The following MEOX2 variants were observed in gnomAD, a reference collection of about 807,000 sequenced individuals.
The protein encoded by MEOX2 is homeobox protein MOX-2.
A neutral mutation model predicts 27.0 loss-of-function variants in MEOX2; 11 were observed. The observed-to-expected ratio is 0.41, with a 90% confidence interval of 0.26 to 0.68. The LOEUF (loss-of-function observed/expected upper bound fraction) is 0.68, where lower values mean the gene tolerates loss of function less well. MEOX2 is among the 30% of genes least tolerant of loss of function. MEOX2 has a pLI of 0.33. For missense variants in MEOX2, 436 were observed against 385.4 expected (o/e 1.13, Z -1.10); for synonymous variants, 189 against 155.4 (o/e 1.22, Z -1.61).
chr7:15,653,409 G>C (rs1321528033), intron 1 of MEOX2, among the ~76,000 whole-genome samples: 1 of 151,878 alleles, frequency 6.6e-6, no homozygotes, highest in Non-Finnish European at 1.5e-5. Context: ...TTGGTAACAT[G>C]TTCCCCCATT....
chr7:15,672,854 C>T (rs2237497), intron 1 of MEOX2, among the ~76,000 whole-genome samples: 29,140 of 150,268 alleles, frequency 0.19, 3,341 homozygotes, highest in East Asian at 0.33. Flanking sequence ...ATCGTGCCAC[C>T]GCACTCCAGC....
At chr7:15,672,800 G>A (rs1050524263) in intron 1 of MEOX2, among the ~76,000 whole-genome samples, 1 of 151,958 alleles carries the variant, frequency 6.6e-6, no homozygotes, top group Non-Finnish European at 1.5e-5. Context: ...GCTGAGGCAG[G>A]AGAATTGCTT....
intron 1 of MEOX2, among the ~76,000 whole-genome samples, chr7:15,671,139 A>G (rs1461282560): frequency 1.3e-5 from 2 of 152,210 alleles, no homozygotes; most frequent in Non-Finnish European, 2.9e-5. Flanking sequence ...AAATTTTTAA[A>G]TGCCAGCTCC....
chr7:15,642,524 G>A (rs1781578871), intron 1 of MEOX2, among the ~76,000 whole-genome samples: 1 of 151,866 alleles, frequency 6.6e-6, no homozygotes, highest in South Asian at 2.1e-4. Context: ...TTGATTTTCT[G>A]GTTTCTTTGT....
chr7:15,613,858 A>G (rs767092744), intron 2 of MEOX2, among the ~76,000 whole-genome samples: 15 of 151,762 alleles, frequency 9.9e-5, no homozygotes, highest in Middle Eastern at 3.4e-3. Context: ...TTTTTTTTCT[A>G]TATGTAATGC....
intron 1 of MEOX2, among the ~76,000 whole-genome samples, chr7:15,654,480 T>C (rs1227596658): frequency 2.6e-5 from 4 of 151,838 alleles, no homozygotes; most frequent in Admixed American, 2.6e-4. Flanking sequence ...AGGACATTCC[T>C]GATCTTAAGG....
At chr7:15,670,823 T>TAGACTACGGG (rs1489728010) in intron 1 of MEOX2, among the ~76,000 whole-genome samples, 2 of 152,200 alleles carry the variant, frequency 1.3e-5, no homozygotes, top group East Asian at 3.8e-4. Context: ...AGATCATATT[T>TAGACTACGGG]AGACTACGGG....
intron 1 of MEOX2, among the ~76,000 whole-genome samples, chr7:15,644,232 C>A (rs1051425638): frequency 1.3e-5 from 2 of 152,048 alleles, no homozygotes; most frequent in Middle Eastern, 6.3e-3. Context: ...TCTGGGCCTA[C>A]CTAGGTTCAA....
chr7:15,625,250 TA>T (rs906098825), intron 2 of MEOX2, among the ~76,000 whole-genome samples: 174 of 152,102 alleles, frequency 1.1e-3, no homozygotes, highest in Admixed American at 4.5e-3. Context: ...GTTCCCTGTT[TA>T]AAAAAAATAA....
chr7:15,611,918 T>C lies in MEOX2; in HGVS notation c.*469A>G, dbSNP rs1781038538. On this transcript the variant is annotated 3_prime_UTR_variant, in exon 3 of 3. Coordinates refer to ENST00000262041, the MANE Select transcript of MEOX2 (RefSeq NM_005924.5). ...TGGCTGTTCAGGATAAAATGTTTCA[T>C]GGTTTATTCTTGATAGCAATTTAAT... 1 of 163,178 alleles carries C rather than the reference T, an allele frequency of 6.1e-6. No individual in the cohort carries two copies. Among genetic ancestry groups the C allele is most frequent in the African/African-American group, 2.4e-5 (1 of 41,640 alleles). 10.1% of individuals were successfully genotyped at this position (163,178 alleles called of 1,614,324 possible). A position where few individuals can be genotyped will look rare whatever the true frequency, so the allele number is the denominator to read the frequency against.
At chr7:15,624,083 T>G (rs551718379) in intron 2 of MEOX2, among the ~76,000 whole-genome samples, 2 of 152,368 alleles carry the variant, frequency 1.3e-5, no homozygotes, top group East Asian at 3.9e-4. Flanking sequence ...AATTTCCATT[T>G]TATGCCTTGG....
rs1384731038 is a variant in MEOX2, at chr7:15,612,429, G to A, written c.873C>T (p.Asp291=). Residue 291 remains aspartate, a synonymous_variant, in exon 3 of 3, where the codon GAC becomes GAT. Transcript: ENST00000262041. Reference sequence around the variant, plus strand: ...CTGAGCTGTGGTCACTGTCGTGACTGTCTTCATTTGCTATAGAGTCCCCTG... The same window carrying A: ...CTGAGCTGTGGTCACTGTCGTGACTATCTTCATTTGCTATAGAGTCCCCTG... ...QQTGDSIANE[D]SHDSDHSSEH... is the part of the protein sequence containing the mutation. The A allele has an allele frequency of 7.4e-6, 12 of 1,614,066 alleles. No homozygotes were observed. Among genetic ancestry groups the A allele is most frequent in the Middle Eastern group, 1.6e-4 (1 of 6,076 alleles).
At chr7:15,684,436 C>A (rs1445855498) in intron 1 of MEOX2, among the ~76,000 whole-genome samples, 1 of 152,168 alleles carries the variant, frequency 6.6e-6, no homozygotes, top group Non-Finnish European at 1.5e-5. Flanking sequence ...ATCAGTGACA[C>A]TACTGGTAAT....
intron 1 of MEOX2, among the ~76,000 whole-genome samples, chr7:15,657,288 C>A (rs932168963): frequency 6.6e-6 from 1 of 151,938 alleles, no homozygotes; most frequent in African/African-American, 2.4e-5. Flanking sequence ...TCAGTTTCAC[C>A]CTCTTTCTCC....
At chr7:15,616,356 A>G (rs1311154505) in intron 2 of MEOX2, among the ~76,000 whole-genome samples, 5 of 151,860 alleles carry the variant, frequency 3.3e-5, no homozygotes, top group Non-Finnish European at 5.9e-5. Context: ...TTTCAAATAT[A>G]CTATAAAATA....
intron 2 of MEOX2, among the ~76,000 whole-genome samples, chr7:15,624,409 G>A (rs1314064689): frequency 2.6e-5 from 4 of 152,164 alleles, no homozygotes; most frequent in South Asian, 2.1e-4. Context: ...TTTCAGGAAT[G>A]ACTTCCAATG....
chr7:15,614,488 A>G (rs1781090305), intron 2 of MEOX2, among the ~76,000 whole-genome samples: 1 of 152,076 alleles, frequency 6.6e-6, no homozygotes, highest in African/African-American at 2.4e-5. Context: ...ATATAGTCTG[A>G]AGAATAGGCT....
At chr7:15,614,116 A>T (rs966641365) in intron 2 of MEOX2, among the ~76,000 whole-genome samples, 2 of 151,614 alleles carry the variant, frequency 1.3e-5, no homozygotes, top group African/African-American at 4.8e-5. Flanking sequence ...TTCTGAAGCC[A>T]GTAAGATATT....
intron 1 of MEOX2, among the ~76,000 whole-genome samples, chr7:15,632,788 T>C (rs1175353055): frequency 6.6e-6 from 1 of 151,880 alleles, no homozygotes; most frequent in Non-Finnish European, 1.5e-5. Flanking sequence ...TTTCTAGGCT[T>C]AGAAAGAGTT....
Sources: gnomAD v4.1 joint callset for allele counts (sites outside exome capture counted in the v4.1 genomes callset) on GRCh38, gnomAD v4.1.1 for gene constraint, MANE v1.5 for transcripts, NCBI Gene and HGNC (gene_info 2026-07-23, HGNC 2026-07-21) for gene names.